Variants in MYO3A observed in about 807,000 individuals in gnomAD.
The protein encoded by MYO3A is myosin IIIA, also known as myosin-IIIa.
MYO3A carries 180 observed loss-of-function variants against 192.7 expected under a neutral mutation model. The ratio of observed to expected loss-of-function variants is 0.93; its 90% CI spans 0.83 to 1.06. The LOEUF is 1.06. Ranked by LOEUF, MYO3A falls within the 50% of genes least tolerant of loss-of-function variation. The pLI, the probability that MYO3A is intolerant of heterozygous loss-of-function variation, is 0.00. For synonymous variants in MYO3A, 628 were observed against 645.3 expected, an observed-to-expected ratio of 0.97 and a Z score of 0.41; for missense variants, 1,896 against 1,905.0, an observed-to-expected ratio of 1.00 and a Z score of 0.09.
rs201061996 is a variant in MYO3A at position 26,166,091 on chromosome 10, G to C, written c.3024G>C (p.Ser1008=). The part of the protein sequence containing the change: ...IKRYYLLCYK[S]SEEPRMSPDT... ...GGTACTACCTTCTCTGCTACAAGTC[G>C]AGCGAGGAGCCCCGCATGAGCCCTG... Residue 1008 remains serine (S), a synonymous_variant, in exon 27 of 35, where the codon TCG becomes TCC. Transcript: ENST00000642920. 1 of 1,614,076 alleles carries C rather than the reference G, an allele frequency of 6.2e-7. No homozygotes were observed. The highest frequency in any genetic ancestry group is 1.3e-5 in the African/African-American group (1 of 75,038).
chr10:26,125,345 G>T (rs61840842), intron 18 of MYO3A, 53 bp from the exon 19 acceptor site: 1 of 1,524,274 alleles, frequency 6.6e-7, no homozygotes, highest in Non-Finnish European at 9.1e-7. Flanking sequence ...CATTTTTGGG[G>T]AGTGACCTCA....
rs2130900493 is a variant in MYO3A, at chr10:25,996,497, G to A, written c.311G>A (p.Ser104Asn). 2 of 1,613,620 alleles carry A rather than the reference G, an allele frequency of 1.2e-6. No individual in the cohort carries two copies. The highest frequency in any genetic ancestry group is 1.7e-6 in the Non-Finnish European group (2 of 1,179,620). Residue 104 changes from serine to asparagine, a missense_variant, in exon 5 of 35, where the codon AGT becomes AAT. Coordinates refer to ENST00000642920, the MANE Select transcript of MYO3A (RefSeq NM_017433.5). ...DKLWLVLELC[S>N]GGSVTDLVKG... ...TAAAATATTCTTGTTTAGCTCTGCA[G>A]TGGAGGATCAGTGACTGACCTTGTG...
chr10:25,964,536 A>G (rs926950729), intron 4 of MYO3A, among the ~76,000 whole-genome samples: 5 of 152,140 alleles, frequency 3.3e-5, no homozygotes, highest in Non-Finnish European at 7.4e-5. Flanking sequence ...GTTTCTATTT[A>G]TATCTTATTG....
intron 2 of MYO3A, among the ~76,000 whole-genome samples, chr10:25,938,963 T>C (rs1836297839): frequency 6.6e-6 from 1 of 152,180 alleles, no homozygotes. Flanking sequence ...TATTATGAGA[T>C]ACAGAACTTG....
At position 26,096,483 on chromosome 10, in the gene MYO3A, A is replaced by G; in HGVS notation, c.1661+4A>G. 1 of 1,609,736 alleles carries G rather than the reference A, an allele frequency of 6.2e-7. No homozygotes were observed. The highest frequency in any genetic ancestry group is 1.3e-5 in the African/African-American group (1 of 74,938). ...TGCCTGAAAATAAGCCTCCCAGGTA[A>G]TCTACCAGGTTGAGCTTTCATCAAT... On this transcript the variant is annotated splice_donor_region_variant and intron_variant, in intron 16 of 34. Coordinates refer to ENST00000642920, the MANE Select transcript of MYO3A (RefSeq NM_017433.5).
chr10:26,084,503 A>C (rs1191871190), intron 14 of MYO3A, among the ~76,000 whole-genome samples: 1 of 151,466 alleles, frequency 6.6e-6, no homozygotes, highest in African/African-American at 2.4e-5. Flanking sequence ...TTAATTATTT[A>C]TTTATTTGTT....
chr10:26,009,781 A>G (rs979889539), intron 6 of MYO3A, among the ~76,000 whole-genome samples: 5 of 152,210 alleles, frequency 3.3e-5, no homozygotes, highest in Non-Finnish European at 7.3e-5. Context: ...TCATTGTAAA[A>G]CAAGTATTTT....
At chr10:26,137,305 C>T (rs1445481679) in intron 20 of MYO3A, among the ~76,000 whole-genome samples, 1 of 152,020 alleles carries the variant, frequency 6.6e-6, no homozygotes, top group African/African-American at 2.4e-5. Context: ...AGTCAGGGAC[C>T]CTGAATGGAG....
chr10:26,044,573 G>A (rs1289306190), intron 10 of MYO3A, among the ~76,000 whole-genome samples: 2 of 152,160 alleles, frequency 1.3e-5, no homozygotes, highest in Non-Finnish European at 2.9e-5. Flanking sequence ...TTGGCCTTGC[G>A]GGAGTCATTT....
At chr10:26,005,015 G>T (rs1841094511) in intron 6 of MYO3A, among the ~76,000 whole-genome samples, 1 of 152,086 alleles carries the variant, frequency 6.6e-6, no homozygotes, top group African/African-American at 2.4e-5. Context: ...GTTAAGTTTT[G>T]ATTAGAAATA....
chr10:26,075,611 T>TATATATGATATATATGTCTCTC (rs575437753), intron 14 of MYO3A, among the ~76,000 whole-genome samples: 1 of 70,418 alleles, frequency 1.4e-5, no homozygotes, highest in African/African-American at 4.3e-5. Context: ...GTCTCTCTCA[T>TATATATGATATATATGTCTCTC]ATATATATGA....
chr10:26,051,506 C>G (rs1232614009), intron 10 of MYO3A, among the ~76,000 whole-genome samples: 2 of 148,270 alleles, frequency 1.3e-5, no homozygotes, highest in Non-Finnish European at 3.0e-5. Context: ...TAGTTTCACT[C>G]TCCCAGTCAT....
At chr10:26,041,596 T>A (rs1224472749) in intron 10 of MYO3A, among the ~76,000 whole-genome samples, 1 of 152,024 alleles carries the variant, frequency 6.6e-6, no homozygotes, top group African/African-American at 2.4e-5. Context: ...CTGCTATATG[T>A]TTTCTGATTT....
chr10:26,196,287 A>G (rs1338642560), intron 32 of MYO3A, among the ~76,000 whole-genome samples: 2 of 152,246 alleles, frequency 1.3e-5, no homozygotes, highest in African/African-American at 2.4e-5. Flanking sequence ...AACAGCAGAT[A>G]CTATTCCCAG....
At chr10:26,154,147 T>G (rs1840963310) in intron 24 of MYO3A, among the ~76,000 whole-genome samples, 1 of 152,130 alleles carries the variant, frequency 6.6e-6, no homozygotes, top group Non-Finnish European at 1.5e-5. Flanking sequence ...ACTCTTCTTT[T>G]TTAGCTAGTT....
intron 14 of MYO3A, among the ~76,000 whole-genome samples, chr10:26,074,581 A>G (rs1402306352): frequency 6.8e-6 from 1 of 147,530 alleles, no homozygotes; most frequent in Admixed American, 6.8e-5. Flanking sequence ...TCTTTTATAT[A>G]TATATAAAAT....
At chr10:26,209,993 C>T (rs146453261) in intron 34 of MYO3A, among the ~76,000 whole-genome samples, 3,452 of 152,122 alleles carry the variant, frequency 0.023, 126 homozygotes, top group African/African-American at 0.075. Flanking sequence ...GTCCCAGCTA[C>T]TCAGGAAGCT....
chr10:25,940,818 CT>C (rs1836442215), intron 2 of MYO3A, among the ~76,000 whole-genome samples: 1 of 152,102 alleles, frequency 6.6e-6, no homozygotes, highest in Non-Finnish European at 1.5e-5. Flanking sequence ...TGTAATAACT[CT>C]TTTCTATCTG....
chr10:25,999,079 T>A (rs1345093748), intron 6 of MYO3A, among the ~76,000 whole-genome samples: 2 of 152,070 alleles, frequency 1.3e-5, no homozygotes, highest in African/African-American at 4.8e-5. Flanking sequence ...TTGTATTTTT[T>A]AATAGAGACG....
Sources: allele counts gnomAD v4.1 joint callset (sites outside exome capture counted in the v4.1 genomes callset), GRCh38; gene constraint gnomAD v4.1.1; transcripts MANE v1.5; gene names NCBI Gene and HGNC (gene_info 2026-07-23, HGNC 2026-07-21).